PRDM4: variants seen among roughly 807,000 people sequenced by gnomAD.
PRDM4 encodes PR domain zinc finger protein 4.
PRDM4 carries 38 observed loss-of-function variants against 62.3 expected under a neutral mutation model. The ratio of observed to expected loss-of-function variants is 0.61; its 90% CI spans 0.47 to 0.80. PRDM4 has a LOEUF of 0.80. PRDM4 is among the 30% of genes least tolerant of loss of function. The probability of loss-of-function intolerance (pLI) is 0.00; values close to 1 mark genes in which losing one functional copy is unlikely to be tolerated. For synonymous variants in PRDM4, 339 were observed against 348.2 expected (o/e 0.97, Z 0.30); for missense variants, 858 against 997.1 (o/e 0.86, Z 1.88).
chr12:107,737,232 GT>G (rs1020584815), intron 11 of PRDM4, among the ~76,000 whole-genome samples: 1 of 151,820 alleles, frequency 6.6e-6, no homozygotes, highest in Non-Finnish European at 1.5e-5. Flanking sequence ...GGCTGTAGCT[GT>G]TTTTTTTAAG....
At chr12:107,753,236 A>G (rs548746500) in intron 4 of PRDM4, among the ~76,000 whole-genome samples, 2 of 152,300 alleles carry the variant, frequency 1.3e-5, no homozygotes, top group East Asian at 3.9e-4. Context: ...ATAAAAAAGA[A>G]ATGAAATATG....
chr12:107,735,919 C>T (rs796785063), intron 11 of PRDM4, among the ~76,000 whole-genome samples: 36 of 152,104 alleles, frequency 2.4e-4, no homozygotes, highest in African/African-American at 8.0e-4. Context: ...CCTCTTCTAG[C>T]AACAGATGGC....
chr12:107,759,332 G>C (rs1358658466), intron 2 of PRDM4, among the ~76,000 whole-genome samples: 3 of 152,194 alleles, frequency 2.0e-5, no homozygotes, highest in Admixed American at 6.5e-5. Flanking sequence ...CTGGGCTTGA[G>C]TTGGTTTAAA....
Position 107,751,919 on chromosome 12 carries a change from C to T in PRDM4, c.622G>A (p.Gly208Arg). The stretch of plus-strand genomic sequence containing the variant: ...TCCATCGTAAGCTCCTCTGCCATTC[C>T]ATCTGTCGAAATTGGGCTGGTAACC... ...SRVTSPISTDGMAEELTMDGV... is the reference protein window; with the variant it reads ...SRVTSPISTDRMAEELTMDGV... Residue 208 changes from glycine (G) to arginine (R), a missense_variant, in exon 5 of 12, where the codon GGA becomes AGA. Gly to Arg is a moderately radical substitution (Grantham distance 125, BLOSUM62 -2). This residue lies in a region of PRDM4 where 499 missense variants were observed against 546.7 expected (regional missense o/e 0.91). Coordinates refer to ENST00000228437, the MANE Select transcript of PRDM4 (RefSeq NM_012406.4). 6.2e-7 allele frequency: 1 copy of T among 1,614,240 alleles called. No homozygotes were observed. Among genetic ancestry groups the T allele is most frequent in the Non-Finnish European group, 8.5e-7 (1 of 1,180,052 alleles).
In PRDM4 at chr12:107,746,821, T is replaced by C. The variant is rs368468530; in HGVS notation, c.1127-397A>G. On this transcript the variant is annotated intron_variant, in intron 5 of 11. Coordinates refer to ENST00000228437, the MANE Select transcript of PRDM4 (RefSeq NM_012406.4). ...TTTAAATGCTAATTACTAAAATGTA[T>C]CCAGTAAGAAGCACGGTTCTAATAG... Among the ~76,000 whole-genome samples, 106 of 152,304 alleles carry C rather than the reference T, an allele frequency of 7.0e-4. 2 individuals carry two copies. In the South Asian group the frequency reaches 0.017, roughly 24 times the overall value.
intron 9 of PRDM4, among the ~76,000 whole-genome samples, chr12:107,741,658 T>C (rs1304654259): frequency 6.6e-6 from 1 of 152,136 alleles, no homozygotes. Context: ...TTGAAGGTTA[T>C]AGTTGGCTAT....
Position 107,760,520 on chromosome 12 carries a change from T to C in PRDM4, c.-5A>G. The C allele has an allele frequency of 6.2e-7, 1 of 1,613,372 alleles. No individual in the cohort carries two copies. The highest frequency in any genetic ancestry group is 8.5e-7 in the Non-Finnish European group (1 of 1,179,718). ...CCCTACTCACCTGTGATGCATCGGC[T>C]TGGGGCCAAATATCAGAGAAAGGAG... On this transcript the variant is annotated 5_prime_UTR_variant, in exon 2 of 12. Coordinates refer to ENST00000228437, the MANE Select transcript of PRDM4 (RefSeq NM_012406.4).
Position 107,740,878 on chromosome 12 carries a change from C to T in PRDM4, c.1924+68G>A, listed in dbSNP as rs886192710. On this transcript the variant is annotated intron_variant, in intron 10 of 11. Transcript: ENST00000228437. ...CTCAACTCCACCTACAATCCCTCTA[C>T]AAAGCCTTTACTACCGCATTTTCTA... 4.8e-5 allele frequency: 72 copies of T among 1,486,696 alleles called. 1 individual carries two copies. The highest frequency in any genetic ancestry group is 5.7e-5 in the Non-Finnish European group (62 of 1,091,320). The allele number at this position is 1,486,696 out of a possible 1,614,324, so 92.1% of individuals were successfully genotyped here.
chr12:107,757,784 T>C (rs1447613368), intron 2 of PRDM4, among the ~76,000 whole-genome samples: 2 of 152,196 alleles, frequency 1.3e-5, no homozygotes, highest in African/African-American at 4.8e-5. Flanking sequence ...GTGAAGAACC[T>C]AGGAATCACC....
chr12:107,753,104 G>A (rs924908405), intron 4 of PRDM4, among the ~76,000 whole-genome samples: 1 of 152,238 alleles, frequency 6.6e-6, no homozygotes, highest in Non-Finnish European at 1.5e-5. Context: ...GGGCACAGTG[G>A]CTCATGCCTG....
intron 6 of PRDM4, among the ~76,000 whole-genome samples, chr12:107,745,837 T>G (rs1238965924): frequency 6.6e-6 from 1 of 152,200 alleles, no homozygotes; most frequent in Admixed American, 6.5e-5. Context: ...GTAAGTAAAG[T>G]CTGGCAATCT....
At chr12:107,743,596 A>T (rs1206404975) in intron 7 of PRDM4, among the ~76,000 whole-genome samples, 2 of 152,158 alleles carry the variant, frequency 1.3e-5, no homozygotes, top group Admixed American at 1.3e-4. Flanking sequence ...CACCTATCAC[A>T]CAGTAGGCAC....
rs78639015 is a variant in PRDM4 at position 107,746,102 on chromosome 12, G to T, written c.1276+173C>A. On this transcript the variant is annotated intron_variant, in intron 6 of 11. Coordinates refer to ENST00000228437, the MANE Select transcript of PRDM4 (RefSeq NM_012406.4). ...GATTTCCCAATAAAGTTTTTGACTT[G>T]ATTTATTGCTATCATCAGTGGACAA... 9.9e-4 allele frequency among the ~76,000 whole-genome samples: 150 copies of T among 152,268 alleles called. 4 individuals carry two copies. The East Asian group carries it at 0.026, about 27-fold the overall frequency.
At chr12:107,745,406 A>AT (rs973489606) in intron 6 of PRDM4, among the ~76,000 whole-genome samples, 8 of 150,744 alleles carry the variant, frequency 5.3e-5, no homozygotes, top group Non-Finnish European at 7.4e-5. Context: ...TACAAAAAAA[A>AT]TTTTTTTTTT....
At chr12:107,739,357 G>A (rs753679514) in intron 11 of PRDM4, 26 bp downstream of exon 11, 5 of 1,606,452 alleles carry the variant, frequency 3.1e-6, no homozygotes, top group East Asian at 4.5e-5. Context: ...CCTGAGGAAC[G>A]ACGTCTTGGC....
chr12:107,743,217 C>T lies in PRDM4; in HGVS notation c.1461G>A (p.Met487Ile). 1 of 1,612,798 alleles carries T rather than the reference C, an allele frequency of 6.2e-7. No individual in the cohort carries two copies. Among genetic ancestry groups the T allele is most frequent in the Non-Finnish European group, 8.5e-7 (1 of 1,178,802 alleles). ...ITTDENECNW[M>I]MFVRKARNRE... Reference sequence around the variant, plus strand: ...CATACCTGGCTTTGCGCACAAACATCATCCAATTACATTCATTTTCATCAG... The same window carrying T: ...CATACCTGGCTTTGCGCACAAACATTATCCAATTACATTCATTTTCATCAG... The change falls in exon 8 of 12, where the codon ATG becomes ATA. Residue 487 changes from methionine to isoleucine, a missense_variant. This residue lies in a region of PRDM4 where 355 missense variants were observed against 432.6 expected (regional missense o/e 0.82). Transcript: ENST00000228437.
intron 11 of PRDM4, 124 bp downstream of exon 11, chr12:107,739,259 A>T: frequency 1.8e-6 from 2 of 1,091,842 alleles, no homozygotes; most frequent in Non-Finnish European, 2.6e-6. Context: ...GAAGGCATCT[A>T]CCATGGTACC....
At chr12:107,749,047 G>C (rs913945841) in intron 5 of PRDM4, among the ~76,000 whole-genome samples, 1 of 151,994 alleles carries the variant, frequency 6.6e-6, no homozygotes, top group Non-Finnish European at 1.5e-5. Context: ...ATGGTTCTGG[G>C]CTTCCTCCTA....
At chr12:107,743,152 A>C (rs768016823) in intron 8 of PRDM4, 45 bp downstream of exon 8, 1 of 1,444,844 alleles carries the variant, frequency 6.9e-7, no homozygotes, top group East Asian at 2.3e-5. Context: ...CTATTGAAAA[A>C]CATCTAAATG....
Sources: allele counts gnomAD v4.1 joint callset (sites outside exome capture counted in the v4.1 genomes callset), GRCh38; gene constraint gnomAD v4.1.1; regional missense constraint gnomAD v4.1.1; transcripts MANE v1.5; gene names NCBI Gene and HGNC (gene_info 2026-07-23, HGNC 2026-07-21).